Variants in RORB observed in about 807,000 individuals in gnomAD.
RORB encodes the protein nuclear receptor ROR-beta.
In RORB, 6 loss-of-function variants were observed where a neutral mutation model predicts 59.1. The ratio of observed to expected loss-of-function variants is 0.10; its 90% CI spans 0.06 to 0.20. The LOEUF is 0.20. Among genes scored for constraint, RORB ranks in the 10% least tolerant of loss-of-function variants. The pLI, the probability that RORB is intolerant of heterozygous loss-of-function variation, is 1.00. For missense variants in RORB, 320 were observed against 560.5 expected, an observed-to-expected ratio of 0.57 and a Z score of 4.33; for synonymous variants, 215 against 204.5, an observed-to-expected ratio of 1.05 and a Z score of -0.44.
chr9:74,662,715 C>A (rs1382544103), intron 6 of RORB, 109 bp downstream of exon 6: 3 of 1,165,228 alleles, frequency 2.6e-6, no homozygotes, highest in Non-Finnish European at 3.7e-6. Flanking sequence ...TCGTTTCTAC[C>A]ACCCACATTG....
chr9:74,523,102 G>A (rs1193246384), intron 1 of RORB, among the ~76,000 whole-genome samples: 1 of 151,660 alleles, frequency 6.6e-6, no homozygotes, highest in Non-Finnish European at 1.5e-5. Context: ...AAATTTAAAT[G>A]CAGTCTTTTA....
chr9:74,554,459 A>T (rs1826662162), intron 1 of RORB, among the ~76,000 whole-genome samples: 1 of 151,912 alleles, frequency 6.6e-6, no homozygotes, highest in South Asian at 2.1e-4. Flanking sequence ...TTTGTTATTT[A>T]AAAGCTGCAT....
At chr9:74,636,397 G>C (rs1278751161) in intron 3 of RORB, among the ~76,000 whole-genome samples, 1 of 152,154 alleles carries the variant, frequency 6.6e-6, no homozygotes, top group Non-Finnish European at 1.5e-5. Context: ...CTAAGTCTGT[G>C]CTGGTGAACA....
At chr9:74,671,960 A>C (rs3818559) in intron 9 of RORB, 59 bp downstream of exon 9, 333,924 of 887,120 alleles carry the variant, frequency 0.38, 68,620 homozygotes, top group East Asian at 0.69. Context: ...AGCAAAAAGG[A>C]CTGCTTATAA....
chr9:74,522,235 G>A (rs1331144608), intron 1 of RORB, among the ~76,000 whole-genome samples: 2 of 151,712 alleles, frequency 1.3e-5, no homozygotes, highest in Non-Finnish European at 3.0e-5. Flanking sequence ...AAAATTGGCT[G>A]TCTTTGGAGA....
At chr9:74,544,762 C>CCTT (rs966409734) in intron 1 of RORB, among the ~76,000 whole-genome samples, 7 of 152,194 alleles carry the variant, frequency 4.6e-5, no homozygotes, top group Non-Finnish European at 7.3e-5. Flanking sequence ...AGGGGAAAAA[C>CCTT]CTTCCTCTAT....
At chr9:74,638,742 A>G (rs913217412) in intron 3 of RORB, among the ~76,000 whole-genome samples, 3 of 152,204 alleles carry the variant, frequency 2.0e-5, no homozygotes, top group African/African-American at 7.2e-5. Context: ...CATGTACTGT[A>G]ATTTTTTTCC....
chr9:74,598,060 C>T (rs1164516761), intron 1 of RORB, among the ~76,000 whole-genome samples: 1 of 151,778 alleles, frequency 6.6e-6, no homozygotes, highest in African/African-American at 2.4e-5. Flanking sequence ...GCTGTTTTTG[C>T]TACATTTTTA....
chr9:74,653,647 T>G (rs571953578), intron 4 of RORB, among the ~76,000 whole-genome samples: 1 of 152,268 alleles, frequency 6.6e-6, no homozygotes, highest in African/African-American at 2.4e-5. Flanking sequence ...GTGCATGCAG[T>G]TGGGCCTCCG....
chr9:74,657,497 C>T (rs1227478094), intron 4 of RORB, among the ~76,000 whole-genome samples: 5 of 152,218 alleles, frequency 3.3e-5, no homozygotes, highest in South Asian at 2.1e-4. Flanking sequence ...CTATCTGTGC[C>T]TTCATAACAT....
At position 74,642,515 on chromosome 9, in the gene RORB, G is replaced by T. The variant is rs1391882566; in HGVS notation, c.337G>T (p.Gly113Trp). ...RLQEQRQQQSGEAEALARVYS... is the reference protein window; with the variant it reads ...RLQEQRQQQSWEAEALARVYS... ...GCAGGAACAGCGGCAGCAGCAGAGT[G>T]GGGAGGCAGAAGCCCTTGCCAGGGT... The change falls in exon 4 of 10, where the codon GGG becomes TGG. Residue 113 changes from glycine to tryptophan, a missense_variant. By Grantham distance (184) the Gly-to-Trp change is radical. Transcript: ENST00000376896. 6.2e-7 allele frequency: 1 copy of T among 1,614,232 alleles called. No individual in the cohort carries two copies. The highest frequency in any genetic ancestry group is 8.5e-7 in the Non-Finnish European group (1 of 1,180,040).
chr9:74,502,617 T>C (rs1276257739), intron 1 of RORB, among the ~76,000 whole-genome samples: 2 of 152,114 alleles, frequency 1.3e-5, no homozygotes, highest in Admixed American at 1.3e-4. Context: ...TTTAATATTA[T>C]AACTTTAAAA....
chr9:74,565,572 C>T (rs1246793486), intron 1 of RORB, among the ~76,000 whole-genome samples: 1 of 151,960 alleles, frequency 6.6e-6, no homozygotes, highest in African/African-American at 2.4e-5. Context: ...GACGTGTGAC[C>T]CCTAAGTAGT....
intron 4 of RORB, among the ~76,000 whole-genome samples, chr9:74,644,219 C>T (rs1823858192): frequency 1.3e-5 from 2 of 152,120 alleles, no homozygotes; most frequent in South Asian, 4.2e-4. Context: ...GTTATTTCTC[C>T]CTTTTAGCAA....
chr9:74,658,384 C>G (rs1337792627), intron 4 of RORB, among the ~76,000 whole-genome samples: 2 of 152,190 alleles, frequency 1.3e-5, no homozygotes, highest in Non-Finnish European at 2.9e-5. Context: ...CCTTAACCTT[C>G]CCACGTATTT....
At chr9:74,556,272 G>A (rs546728361) in intron 1 of RORB, among the ~76,000 whole-genome samples, 1 of 152,272 alleles carries the variant, frequency 6.6e-6, no homozygotes, top group South Asian at 2.1e-4. Context: ...ACTGAGATAC[G>A]TTATTGTAGA....
intron 1 of RORB, among the ~76,000 whole-genome samples, chr9:74,605,492 G>A (rs77045671): frequency 1.3e-5 from 2 of 152,222 alleles, no homozygotes; most frequent in East Asian, 3.9e-4. Context: ...CCACCAAATT[G>A]CTCCTAGCAA....
At chr9:74,651,534 CAAAA>C (rs11288734) in intron 4 of RORB, among the ~76,000 whole-genome samples, 2 of 140,846 alleles carry the variant, frequency 1.4e-5, no homozygotes, top group Admixed American at 7.1e-5. Flanking sequence ...GACTCTGTCT[CAAAA>C]AAAAAAAAAA....
At chr9:74,623,244 T>C (rs1329437140) in intron 1 of RORB, among the ~76,000 whole-genome samples, 1 of 151,858 alleles carries the variant, frequency 6.6e-6, no homozygotes. Context: ...ACCGCAAGAG[T>C]GAGTGTACAG....
Sources: allele counts gnomAD v4.1 joint callset (sites outside exome capture counted in the v4.1 genomes callset), GRCh38; gene constraint gnomAD v4.1.1; transcripts MANE v1.5; gene names NCBI Gene and HGNC (gene_info 2026-07-23, HGNC 2026-07-21).